Variants in CCDC88B observed in about 807,000 individuals in gnomAD.
The protein encoded by CCDC88B is coiled-coil and HOOK domain protein 88B, also known as coiled-coil domain-containing protein 88B.
In CCDC88B, 138 loss-of-function variants were observed where a neutral mutation model predicts 183.7. That is an observed-to-expected ratio of 0.75 (90% CI 0.65 to 0.87). The LOEUF is 0.87. Ranked by LOEUF, CCDC88B falls within the 40% of genes least tolerant of loss-of-function variation. The pLI is 0.00. For missense variants in CCDC88B, 1,822 were observed against 1,965.6 expected (o/e 0.93, Z 1.38); for synonymous variants, 835 against 867.5 (o/e 0.96, Z 0.66).
Position 64,351,609 on chromosome 11 carries a change from G to T in CCDC88B, c.3092G>T (p.Arg1031Leu). 1 of 1,562,504 alleles carries T rather than the reference G, an allele frequency of 6.4e-7. No homozygotes were observed. Among genetic ancestry groups the T allele is most frequent in the Non-Finnish European group, 8.6e-7 (1 of 1,162,038 alleles). Residue 1031 changes from arginine to leucine, a missense_variant, in exon 18 of 27, where the codon CGC (arginine) becomes CTC (leucine). Coordinates refer to ENST00000356786, the MANE Select transcript of CCDC88B (RefSeq NM_032251.6). ...CAGCGGGCGCAGGAGCACAGCAGCC[G>T]CCTGCAGGTGGGTGGTGGCCCGGGT... ...QSQRAQEHSSRLQAEKSVLEI... is the reference protein window; with the variant it reads ...QSQRAQEHSSLLQAEKSVLEI...
At chr11:64,349,094 G>T in intron 14 of CCDC88B, 1 of 716,186 alleles carries the variant, frequency 1.4e-6, no homozygotes, top group South Asian at 1.5e-5. Flanking sequence ...CCGACTCCCA[G>T]CCCAGGGGCC....
intron 2 of CCDC88B, 57 bp downstream of exon 2, chr11:64,340,809 G>T: frequency 1.3e-6 from 2 of 1,557,094 alleles, no homozygotes; most frequent in South Asian, 2.4e-5. Flanking sequence ...AGGGGAAGCG[G>T]GTGGGCGGAG....
At position 64,340,750 on chromosome 11, in the gene CCDC88B, C is replaced by A. The variant is rs547598568; in HGVS notation, c.204C>A (p.Ile68=). 4 of 1,608,324 alleles carry A rather than the reference C, an allele frequency of 2.5e-6. No individual in the cohort carries two copies. In the South Asian group the frequency reaches 4.4e-5, roughly 18 times the overall value. ...CCCTGCTCCTCCGGGTGCTGGGCAT[C>A]ATGTAAGGGGCATCGGGCCGGGGCG... The part of the protein sequence containing the change: ...DGALLLRVLG[I]IAPSSRGGPR... Residue 68 remains isoleucine, a splice_region_variant and synonymous_variant, in exon 2 of 27, where the codon ATC becomes ATA. Transcript: ENST00000356786.
chr11:64,353,196 C>T lies in CCDC88B; in HGVS notation c.3643C>T (p.Gln1215Ter). Residue 1215 changes from glutamine (Q) to a stop codon, truncating the protein, a stop_gained, in exon 21 of 27, where the codon CAG becomes TAG. Coordinates refer to ENST00000356786, the MANE Select transcript of CCDC88B (RefSeq NM_032251.6). LOFTEE classifies it high-confidence loss of function. Reference protein sequence around the residue: ...MQSQQLRESNQQLDLSACRLT... With the variant: ...MQSQQLRESN ...GAGCCAGCAGCTGCGCGAGTCCAAC[C>T]AGCAGCTGGACCTGAGCGCCTGCCG... 6.3e-7 allele frequency: 1 copy of T among 1,577,638 alleles called. No homozygotes were observed. The highest frequency in any genetic ancestry group is 8.6e-7 in the Non-Finnish European group (1 of 1,161,808).
At chr11:64,355,956 C>T (rs1343473518) in intron 26 of CCDC88B, 4 of 206,114 alleles carry the variant, frequency 1.9e-5, no homozygotes, top group South Asian at 1.5e-4. Flanking sequence ...AATATGCCTA[C>T]GCTATTACCA....
intron 1 of CCDC88B, 98 bp downstream of exon 1, chr11:64,340,424 C>A: frequency 8.5e-7 from 1 of 1,176,538 alleles, no homozygotes; most frequent in South Asian, 2.1e-5. Context: ...AGAACCAGGC[C>A]GGAGGGGAGG....
chr11:64,347,542 G>A (rs553060278), intron 14 of CCDC88B, among the ~76,000 whole-genome samples: 38 of 152,300 alleles, frequency 2.5e-4, no homozygotes, highest in South Asian at 6.2e-4. Context: ...GGGTAGACAT[G>A]GGGTCAGGCG....
Position 64,341,991 on chromosome 11 carries a change from C to A in CCDC88B, c.676-3C>A. 2 of 1,612,874 alleles carry A rather than the reference C, an allele frequency of 1.2e-6. No homozygotes were observed. The highest frequency in any genetic ancestry group is 1.7e-6 in the Non-Finnish European group (2 of 1,179,696). On this transcript the variant is annotated splice_polypyrimidine_tract_variant and splice_region_variant and intron_variant, in intron 7 of 26. Coordinates refer to ENST00000356786, the MANE Select transcript of CCDC88B (RefSeq NM_032251.6). ...GTCCTGACCCTTGACCCCTGACCTA[C>A]AGCGGCTGGCTGAACTGCTGCTGGA...
intron 7 of CCDC88B, 31 bp from the exon 8 acceptor site, chr11:64,341,963 T>C (rs2078935085): frequency 6.2e-7 from 1 of 1,610,218 alleles, no homozygotes; most frequent in Non-Finnish European, 8.5e-7. Flanking sequence ...ATTGGATAAG[T>C]TAGTCCTGAC....
rs376705885 is a variant in CCDC88B at position 64,355,206 on chromosome 11, C to T, written c.4112C>T (p.Pro1371Leu). The T allele has an allele frequency of 2.8e-4, 418 of 1,493,562 alleles. 1 individual carries two copies. Among genetic ancestry groups the T allele is most frequent in the Middle Eastern group, 5.5e-4 (3 of 5,452 alleles). 92.5% of individuals were successfully genotyped at this position (1,493,562 alleles called of 1,614,324 possible). ...READGTGSPSPAPMRRAQSSL... is the reference protein window; with the variant it reads ...READGTGSPSLAPMRRAQSSL... ...GTACCTCTTGCAGGGTCCCCTTCCCCGGCACCCATGCGCCGGGCCCAGAGC... is the reference window on the plus strand; with the variant it reads ...GTACCTCTTGCAGGGTCCCCTTCCCTGGCACCCATGCGCCGGGCCCAGAGC... Residue 1371 changes from proline to leucine, a missense_variant, in exon 25 of 27, where the codon CCG (proline) becomes CTG (leucine). Physicochemically the swap from Pro to Leu is moderately conservative, Grantham distance 98. Transcript: ENST00000356786.
chr11:64,342,419 C>T, intron 9 of CCDC88B, 44 bp downstream of exon 9: 2 of 1,550,254 alleles, frequency 1.3e-6, no homozygotes, highest in South Asian at 1.2e-5. Flanking sequence ...CCCTAACCTC[C>T]CCGCACCCGG....
chr11:64,340,263 G>A lies in CCDC88B; in HGVS notation c.-4G>A, dbSNP rs663743. 0.32 allele frequency: 399,948 copies of A among 1,261,602 alleles called. 66,885 individuals carry two copies. The highest frequency in any genetic ancestry group is 0.34 in the Admixed American group (8,453 of 25,048). 78.2% of individuals were successfully genotyped at this position (1,261,602 alleles called of 1,614,324 possible). On this transcript the variant is annotated 5_prime_UTR_variant, in exon 1 of 27. Transcript: ENST00000356786. ...CACAGTGAGACGGGCACCCCGACCC[G>A]GGCATGGAGGGGGGCAAGGGGCCCA... is the stretch of plus-strand genomic sequence containing the variant.
intron 14 of CCDC88B, chr11:64,348,713 C>A (rs1263351057): frequency 4.6e-6 from 2 of 430,680 alleles, no homozygotes; most frequent in African/African-American, 2.0e-5. Flanking sequence ...TCCTGCCAGG[C>A]CCCCCATGTG....
intron 14 of CCDC88B, among the ~76,000 whole-genome samples, chr11:64,348,112 G>A (rs148695500): frequency 4.2e-4 from 64 of 151,464 alleles, no homozygotes; most frequent in Middle Eastern, 3.4e-3. Flanking sequence ...GATAATGAGC[G>A]TAGGGAGCTT....
Position 64,344,699 on chromosome 11 carries a change from C to A in CCDC88B, c.2158C>A (p.Leu720Met), listed in dbSNP as rs1430776761. 6.2e-7 allele frequency: 1 copy of A among 1,614,112 alleles called. No homozygotes were observed. The change falls in exon 14 of 27, where the codon CTG becomes ATG. Residue 720 changes from leucine (L) to methionine (M), a missense_variant. Transcript: ENST00000356786. This position sits in a 1 kb window ranked among gnomAD's most constrained non-coding sequence, Gnocchi z 4.5. ...GGAAGGCCCAATCCCAGGGGAGAGC[C>A]TGGCCAGTGGTGTCGCAGAGCAGGA... ...VWEGPIPGES[L>M]ASGVAEQEAL...
chr11:64,350,521 C>T (rs930239269), intron 16 of CCDC88B: 5 of 152,048 alleles, frequency 3.3e-5, no homozygotes, highest in African/African-American at 1.2e-4. Flanking sequence ...ACAACAACAA[C>T]AACAAAAATT....
intron 11 of CCDC88B, 88 bp from the exon 12 acceptor site, chr11:64,343,419 C>A: frequency 6.5e-7 from 1 of 1,538,744 alleles, no homozygotes; most frequent in Non-Finnish European, 8.8e-7. Flanking sequence ...GCAACCTCTG[C>A]TCTTGGTGAC....
Position 64,341,178 on chromosome 11 carries a change from G to A in CCDC88B, c.388G>A (p.Glu130Lys). 6.2e-7 allele frequency: 1 copy of A among 1,614,042 alleles called. No individual in the cohort carries two copies. The highest frequency in any genetic ancestry group is 8.5e-7 in the Non-Finnish European group (1 of 1,179,984). Residue 130 changes from glutamate (E) to lysine (K), a missense_variant and splice_region_variant, in exon 4 of 27, where the codon GAA becomes AAA. Physicochemically the swap from Glu to Lys is moderately conservative, Grantham distance 56 (BLOSUM62 1). Coordinates refer to ENST00000356786, the MANE Select transcript of CCDC88B (RefSeq NM_032251.6). ...LQTLGFDPLS[E>K]EAVEQLEGVL... ...GACATTGGGATTTGACCCTCTCTCA[G>A]GTGCTCTCCCCACCCACACCCTCCT...
At chr11:64,349,246 A>C in intron 14 of CCDC88B, 85 bp from the exon 15 acceptor site, 2 of 1,455,274 alleles carry the variant, frequency 1.4e-6, no homozygotes, top group Non-Finnish European at 1.8e-6. Flanking sequence ...GGTCAAGGAC[A>C]GAAAGGCAGC....
Sources: allele counts gnomAD v4.1 joint callset (sites outside exome capture counted in the v4.1 genomes callset), GRCh38; gene constraint gnomAD v4.1.1; non-coding constraint Gnocchi (gnomAD v3.1); transcripts MANE v1.5; gene names NCBI Gene and HGNC (gene_info 2026-07-23, HGNC 2026-07-21).